RANBP2: variants seen among roughly 807,000 people sequenced by gnomAD.
RANBP2 encodes the protein RAN binding protein 2.
A neutral mutation model predicts 303.6 loss-of-function variants in RANBP2; 57 were observed. The observed-to-expected ratio is 0.19, with a 90% CI of 0.15 to 0.23. RANBP2 has a LOEUF of 0.23. Ranked by LOEUF, RANBP2 falls within the 10% of genes least tolerant of loss-of-function variation. The pLI is 1.00. For synonymous variants in RANBP2, 1,167 were observed against 1,301.5 expected (o/e 0.90, Z 2.23); for missense variants, 3,138 against 3,780.8 (o/e 0.83, Z 4.46).
At chr2:108,814,622 CTG>C in the RANBP2 span, among the ~76,000 whole-genome samples, 5 of 150,682 alleles carry the variant, frequency 3.3e-5, no homozygotes, top group East Asian at 1.9e-4. Context: ...TTATATTTCT[CTG>C]TCTTTGAATT....
the RANBP2 span, among the ~76,000 whole-genome samples, chr2:109,636,368 AAAG>A: frequency 6.6e-6 from 1 of 152,196 alleles, no homozygotes; most frequent in Admixed American, 6.5e-5. Context: ...ACTTCTATGA[AAAG>A]AAGAACACAT....
chr2:109,050,777 C>A, the RANBP2 span, among the ~76,000 whole-genome samples: 1 of 151,602 alleles, frequency 6.6e-6, no homozygotes, highest in Non-Finnish European at 1.5e-5. Context: ...TTTAGATGTT[C>A]TTAAATGTTT....
the RANBP2 span, among the ~76,000 whole-genome samples, chr2:109,586,700 G>A: frequency 6.6e-6 from 1 of 152,200 alleles, no homozygotes; most frequent in Non-Finnish European, 1.5e-5. Context: ...ATCTTGGAGA[G>A]ATGGACAGAG....
chr2:109,490,274 C>T, the RANBP2 span, among the ~76,000 whole-genome samples: 48 of 152,084 alleles, frequency 3.2e-4, no homozygotes, highest in Non-Finnish European at 6.2e-4. Context: ...TGCTTGACTC[C>T]GGAGCAGAGG....
chr2:109,204,844 G>T, the RANBP2 span, among the ~76,000 whole-genome samples: 4 of 152,254 alleles, frequency 2.6e-5, no homozygotes, highest in African/African-American at 9.6e-5. Context: ...TTTCTGTAGC[G>T]TGGAAGTGGG....
At chr2:109,104,796 T>C in the RANBP2 span, among the ~76,000 whole-genome samples, 2 of 152,214 alleles carry the variant, frequency 1.3e-5, no homozygotes, top group Non-Finnish European at 2.9e-5. Context: ...ATTAGGTTTT[T>C]ATTTTTGGTT....
chr2:109,483,071 C>G, the RANBP2 span, among the ~76,000 whole-genome samples: 2 of 152,116 alleles, frequency 1.3e-5, no homozygotes, highest in East Asian at 3.9e-4. Flanking sequence ...TCTAAAAATG[C>G]GTTGCATATT....
chr2:109,047,858 T>C, the RANBP2 span, among the ~76,000 whole-genome samples: 2 of 152,220 alleles, frequency 1.3e-5, no homozygotes, highest in Non-Finnish European at 2.9e-5. Context: ...TTACCTCAAA[T>C]CACATAGTGA....
chr2:109,200,057 C>G, the RANBP2 span, among the ~76,000 whole-genome samples: 2 of 152,192 alleles, frequency 1.3e-5, no homozygotes, highest in Admixed American at 1.3e-4. Context: ...AGAAATGTCA[C>G]CAGTGGCCAG....
At chr2:109,153,810 A>G in the RANBP2 span, among the ~76,000 whole-genome samples, 1 of 152,156 alleles carries the variant, frequency 6.6e-6, no homozygotes, top group African/African-American at 2.4e-5. Context: ...ATCTTGCTGG[A>G]GCTGAGATTT....
rs1436133428 is a variant in RANBP2 at position 108,719,639 on chromosome 2, C to T, written c.33C>T (p.Tyr11=). The T allele has an allele frequency of 2.5e-6, 4 of 1,608,136 alleles. No individual in the cohort carries two copies. The highest frequency in any genetic ancestry group is 3.4e-6 in the Non-Finnish European group (4 of 1,178,426). The change falls in exon 1 of 29, where the codon TAC becomes TAT. Residue 11 remains tyrosine (Y), a synonymous_variant. Transcript: ENST00000283195. MRRSKADVER[Y]IASVQGSTPS... is the part of the protein sequence containing the mutation. ...GCAGCAAGGCTGACGTGGAGCGGTA[C>T]ATCGCCTCGGTGCAGGGCTCCACCC...
the RANBP2 span, among the ~76,000 whole-genome samples, chr2:109,019,156 C>T: frequency 1.3e-5 from 2 of 152,228 alleles, no homozygotes; most frequent in Admixed American, 6.5e-5. Flanking sequence ...GCACGCCCTT[C>T]GGCAAACTGC....
At chr2:108,815,974 A>G in the RANBP2 span, 1 of 1,612,908 alleles carries the variant, frequency 6.2e-7, no homozygotes, top group African/African-American at 1.3e-5. Context: ...TGAACTTTTA[A>G]CTGTCTTCAT....
the RANBP2 span, among the ~76,000 whole-genome samples, chr2:109,136,178 AT>A: frequency 6.6e-6 from 1 of 152,060 alleles, no homozygotes; most frequent in South Asian, 2.1e-4. Context: ...TTTGATCTGT[AT>A]TTAATCTCTA....
chr2:109,204,979 A>AGGAG, the RANBP2 span, among the ~76,000 whole-genome samples: 1 of 152,166 alleles, frequency 6.6e-6, no homozygotes, highest in African/African-American at 2.4e-5. Context: ...AGGCTGAGGC[A>AGGAG]GGAGGATCAC....
chr2:108,790,133 T>TAATAA (rs1679664019), downstream of RANBP2, among the ~76,000 whole-genome samples: 1 of 152,138 alleles, frequency 6.6e-6, no homozygotes. Context: ...TAATAAGTAC[T>TAATAA]CAAATGTTAC....
chr2:109,764,610 G>A, the RANBP2 span, among the ~76,000 whole-genome samples: 1 of 149,154 alleles, frequency 6.7e-6, no homozygotes, highest in Admixed American at 6.9e-5. Context: ...CAACACTGGT[G>A]ATTCAGAAAA....
At chr2:109,012,097 T>C in the RANBP2 span, among the ~76,000 whole-genome samples, 1 of 152,224 alleles carries the variant, frequency 6.6e-6, no homozygotes, top group Non-Finnish European at 1.5e-5. Flanking sequence ...CATCATCTTC[T>C]CATATTTAAG....
At chr2:109,076,292 T>C in the RANBP2 span, among the ~76,000 whole-genome samples, 1 of 150,680 alleles carries the variant, frequency 6.6e-6, no homozygotes, top group Non-Finnish European at 1.5e-5. Context: ...CTTACCTTAA[T>C]CCAATAAAGA....
Sources: allele counts gnomAD v4.1 joint callset (sites outside exome capture counted in the v4.1 genomes callset), GRCh38; gene constraint gnomAD v4.1.1; transcripts MANE v1.5; gene names NCBI Gene and HGNC (gene_info 2026-07-23, HGNC 2026-07-21).